The following GRM2 variants were observed in gnomAD, a reference collection of about 807,000 sequenced individuals.
The protein encoded by GRM2 is metabotropic glutamate receptor 2.
A neutral mutation model predicts 60.4 loss-of-function variants in GRM2; 35 were observed. The observed-to-expected ratio is 0.58, with a 90% CI of 0.44 to 0.77. The LOEUF (loss-of-function observed/expected upper bound fraction) is 0.77, where lower values mean the gene tolerates loss of function less well. GRM2 is among the 30% of genes least tolerant of loss of function. The pLI is 0.00. For missense variants in GRM2, 925 were observed against 1,199.5 expected (o/e 0.77, Z 3.38); for synonymous variants, 437 against 484.1 (o/e 0.90, Z 1.28).
chr3:51,716,044 C>T lies in GRM2; in HGVS notation c.2271C>T (p.Asn757=), dbSNP rs201080522. The T allele has an allele frequency of 5.8e-5, 94 of 1,614,250 alleles. No homozygotes were observed. The highest frequency in any genetic ancestry group is 3.3e-4 in the Middle Eastern group (2 of 6,062). The change falls in exon 4 of 6, where the codon AAC becomes AAT. Residue 757 remains asparagine (N), a synonymous_variant. Coordinates refer to ENST00000395052, the MANE Select transcript of GRM2 (RefSeq NM_000839.5). The surrounding 1 kb of genome is among the most constrained non-coding windows in gnomAD (Gnocchi z 4.0). ...FKTRKCPENF[N]EAKFIGFTMY... ...CTCGCAAGTGCCCCGAAAACTTCAA[C>T]GAGGCCAAGTTCATTGGCTTCACCA...
intron 1 of GRM2, 130 bp from the exon 2 acceptor site, chr3:51,708,718 A>G (rs556067863): frequency 9.4e-6 from 4 of 424,782 alleles, no homozygotes; most frequent in East Asian, 3.7e-5. Context: ...ACTTAATGAC[A>G]CCATCCTGTC....
Position 51,717,782 on chromosome 3 carries a change from G to A in GRM2, c.2510G>A (p.Ser837Asn), listed in dbSNP as rs1185504590. The A allele has an allele frequency of 6.2e-7, 1 of 1,614,136 alleles. No homozygotes were observed. ...CGGGCACCCACCAGCCGCTTTGGCA[G>A]TGCTGCTGCCAGGGCCAGCTCCAGC... ...SHRAPTSRFG[S>N]AAARASSSLG... Residue 837 changes from serine to asparagine, a missense_variant, in exon 5 of 6, where the codon AGT becomes AAT. Ser to Asn is a conservative substitution (Grantham distance 46). Transcript: ENST00000395052. This position sits in a 1 kb window ranked among gnomAD's most constrained non-coding sequence, Gnocchi z 6.0.
At chr3:51,709,461 T>C in intron 2 of GRM2, 28 bp downstream of exon 2, 3 of 1,464,236 alleles carry the variant, frequency 2.0e-6, no homozygotes, top group Non-Finnish European at 2.8e-6. Flanking sequence ...AAATGGGGGC[T>C]AGGGAGGGAG....
rs907988136 is a variant in GRM2 at position 51,717,137 on chromosome 3, CTT to C, written c.2365-499_2365-498del. 1.7e-4 allele frequency among the ~76,000 whole-genome samples: 25 copies of C among 151,248 alleles called. No individual in the cohort carries two copies. The highest frequency in any genetic ancestry group is 6.1e-4 in the African/African-American group (25 of 41,180). Reference sequence around the variant, plus strand: ...ACATGCATGCACACACACACACACACTTGTACACACAGACATAGCCACATGCA... The same window carrying C: ...ACATGCATGCACACACACACACACACGTACACACAGACATAGCCACATGCA... On this transcript the variant is annotated intron_variant, in intron 4 of 5. Coordinates refer to ENST00000395052, the MANE Select transcript of GRM2 (RefSeq NM_000839.5). The surrounding 1 kb of genome is among the most constrained non-coding windows in gnomAD (Gnocchi z 6.0).
At chr3:51,708,808 T>C (rs895257004) in intron 1 of GRM2, 40 bp from the exon 2 acceptor site, 3 of 545,126 alleles carry the variant, frequency 5.5e-6, no homozygotes, top group Middle Eastern at 4.9e-4. Context: ...CAGGTTCCAC[T>C]TTTCCTGGTC....
At position 51,717,800 on chromosome 3, in the gene GRM2, G is replaced by C; in HGVS notation, c.2528G>C (p.Ser843Thr). 5.6e-6 allele frequency: 9 copies of C among 1,613,966 alleles called. 1 individual carries two copies. Among genetic ancestry groups the C allele is most frequent in the Non-Finnish European group, 7.6e-6 (9 of 1,179,976 alleles). ...TTTGGCAGTGCTGCTGCCAGGGCCA[G>C]CTCCAGCCTTGGCCAAGGTCAGTGT... ...SRFGSAAARA[S>T]SSLGQGSGSQ... The change falls in exon 5 of 6, where the codon AGC becomes ACC. Residue 843 changes from serine (S) to threonine (T), a missense_variant. By Grantham distance (58) the Ser-to-Thr change is moderately conservative (BLOSUM62 1). Transcript: ENST00000395052. The surrounding 1 kb of genome is among the most constrained non-coding windows in gnomAD (Gnocchi z 6.0).
At chr3:51,709,792 A>G (rs1316618063) in intron 2 of GRM2, among the ~76,000 whole-genome samples, 1 of 15,204 alleles carries the variant, frequency 6.6e-5, no homozygotes, top group African/African-American at 1.7e-4. Flanking sequence ...ACACCCACAC[A>G]CACCCCACAC....
In GRM2 at chr3:51,709,437, C is replaced by A. The variant is rs773667363; in HGVS notation, c.450+4C>A. 5.3e-6 allele frequency: 8 copies of A among 1,516,806 alleles called. No homozygotes were observed. The highest frequency in any genetic ancestry group is 3.5e-4 in the Middle Eastern group (2 of 5,684). 94.0% of individuals were successfully genotyped at this position (1,516,806 alleles called of 1,614,324 possible). The stretch of plus-strand genomic sequence containing the variant: ...CTACAGTGATGTCTCCATCCAGGTA[C>A]GTGGAAGCCACCCAAATGGGGGCTA... On this transcript the variant is annotated splice_donor_region_variant and intron_variant, in intron 2 of 5. Coordinates refer to ENST00000395052, the MANE Select transcript of GRM2 (RefSeq NM_000839.5).
intron 2 of GRM2, among the ~76,000 whole-genome samples, chr3:51,711,000 G>C (rs892738622): frequency 9.2e-5 from 14 of 152,272 alleles, no homozygotes; most frequent in Admixed American, 2.6e-4. Context: ...GCATTGCCGA[G>C]ATGGAGAGGG....
At chr3:51,708,787 G>A (rs1055756365) in intron 1 of GRM2, 61 bp from the exon 2 acceptor site, 1 of 527,982 alleles carries the variant, frequency 1.9e-6, no homozygotes, top group Non-Finnish European at 3.4e-6. Flanking sequence ...GTCAGAAGGG[G>A]CAGCTGCTCT....
In GRM2 at chr3:51,716,127, G is replaced by T; in HGVS notation, c.2354G>T (p.Ser785Ile). 1 of 1,610,394 alleles carries T rather than the reference G, an allele frequency of 6.2e-7. No homozygotes were observed. Among genetic ancestry groups the T allele is most frequent in the Non-Finnish European group, 8.5e-7 (1 of 1,176,628 alleles). ...CTGCCCATCTTCTATGTCACCTCCA[G>T]TGACTACCGGGTGAGCTACCTGCCA... ...AFLPIFYVTS[S>I]DYRVQTTTMC... is the part of the protein sequence containing the mutation. The change falls in exon 4 of 6, where the codon AGT (serine) becomes ATT (isoleucine). Residue 785 changes from serine (S) to isoleucine (I), a missense_variant. Physicochemically the swap from Ser to Ile is moderately radical, Grantham distance 142. Coordinates refer to ENST00000395052, the MANE Select transcript of GRM2 (RefSeq NM_000839.5). The surrounding 1 kb of genome is among the most constrained non-coding windows in gnomAD (Gnocchi z 4.0).
At chr3:51,714,468 G>T (rs1377042779) in intron 3 of GRM2, 1 of 153,722 alleles carries the variant, frequency 6.5e-6, no homozygotes, top group Non-Finnish European at 1.4e-5. Context: ...AGGGGATGAA[G>T]TGGGGGTGGA....
In GRM2 at chr3:51,717,113, C is replaced by T. The variant is rs1236575873; in HGVS notation, c.2365-524C>T. Among the ~76,000 whole-genome samples the T allele has an allele frequency of 2.4e-5, 2 of 83,790 alleles. No homozygotes were observed. The highest frequency in any genetic ancestry group is 2.5e-5 in the Non-Finnish European group (1 of 39,568). The allele number at this position is 83,790 out of a possible 152,430, so 55.0% of individuals were successfully genotyped here. On this transcript the variant is annotated intron_variant, in intron 4 of 5. Coordinates refer to ENST00000395052, the MANE Select transcript of GRM2 (RefSeq NM_000839.5). The surrounding 1 kb of genome is among the most constrained non-coding windows in gnomAD (Gnocchi z 6.0). The stretch of plus-strand genomic sequence containing the variant: ...ACCTGAGACACACACCGTACCCACA[C>T]ATGCATGCACACACACACACACACT...
At chr3:51,714,713 G>C (rs1385998407) in intron 3 of GRM2, 1 of 206,002 alleles carries the variant, frequency 4.9e-6, no homozygotes, top group African/African-American at 2.3e-5. Flanking sequence ...TTGGGATTTG[G>C]AGCCTGGGTT....
chr3:51,716,930 G>C lies in GRM2; in HGVS notation c.2365-707G>C, dbSNP rs1175335362. Reference sequence around the variant, plus strand: ...GACAGAGGTGTGGTGGCACAGTGCTGGGGGCCAGGGACCGCTGGGCTTGGC... The same window carrying C: ...GACAGAGGTGTGGTGGCACAGTGCTCGGGGCCAGGGACCGCTGGGCTTGGC... On this transcript the variant is annotated intron_variant, in intron 4 of 5. Transcript: ENST00000395052. The surrounding 1 kb of genome is among the most constrained non-coding windows in gnomAD (Gnocchi z 4.0). Among the ~76,000 whole-genome samples, 1 of 152,172 alleles carries C rather than the reference G, an allele frequency of 6.6e-6. No individual in the cohort carries two copies. Among genetic ancestry groups the C allele is most frequent in the Non-Finnish European group, 1.5e-5 (1 of 68,038 alleles).
chr3:51,716,524 T>C lies in GRM2; in HGVS notation c.2364+387T>C, dbSNP rs1220561768. ...GAAGCAAGGTGGGTAGGGGAGGAGA[T>C]CCAGGGTATAGAGTTGAGAAAAGCT... On this transcript the variant is annotated intron_variant, in intron 4 of 5. Transcript: ENST00000395052. The surrounding 1 kb of genome is among the most constrained non-coding windows in gnomAD (Gnocchi z 4.0). Among the ~76,000 whole-genome samples, 1 of 151,924 alleles carries C rather than the reference T, an allele frequency of 6.6e-6. No individual in the cohort carries two copies. Among genetic ancestry groups the C allele is most frequent in the Non-Finnish European group, 1.5e-5 (1 of 67,982 alleles).
chr3:51,709,252 A>G lies in GRM2; in HGVS notation c.269A>G (p.Asp90Gly). ...PGVRLGAHIL[D>G]SCSKDTHALE... ...GTGCGCCTGGGTGCACACATCCTCGACAGTTGCTCCAAGGACACACATGCG... is the reference window on the plus strand; with the variant it reads ...GTGCGCCTGGGTGCACACATCCTCGGCAGTTGCTCCAAGGACACACATGCG... The change falls in exon 2 of 6, where the codon GAC becomes GGC. Residue 90 changes from aspartate (D) to glycine (G), a missense_variant. Transcript: ENST00000395052. 1 of 1,604,810 alleles carries G rather than the reference A, an allele frequency of 6.2e-7. No homozygotes were observed. Among genetic ancestry groups the G allele is most frequent in the Non-Finnish European group, 8.5e-7 (1 of 1,173,534 alleles).
intron 2 of GRM2, among the ~76,000 whole-genome samples, chr3:51,710,846 T>C (rs1703688726): frequency 6.6e-6 from 1 of 152,218 alleles, no homozygotes; most frequent in African/African-American, 2.4e-5. Context: ...CATCTCTGAC[T>C]GGGTCCTACC....
chr3:51,709,830 G>GAC lies in GRM2; in HGVS notation c.450+406_450+407dup, dbSNP rs780322630. 0.015 allele frequency among the ~76,000 whole-genome samples: 116 copies of GAC among 7,486 alleles called. 2 individuals carry two copies. The East Asian group carries it at 0.25, about 16-fold the overall frequency. The allele number at this position is 7,486 out of a possible 152,430, so 4.9% of individuals were successfully genotyped here. A position where few individuals can be genotyped will look rare whatever the true frequency, so the allele number is the denominator to read the frequency against. Reference sequence around the variant, plus strand: ...ACCCCCACACCCACACACACACCCAGACACACACACCCTCACACACACACA... The same window carrying GAC: ...ACCCCCACACCCACACACACACCCAGACACACACACACCCTCACACACACACA... On this transcript the variant is annotated intron_variant, in intron 2 of 5. Transcript: ENST00000395052.
Sources: allele counts gnomAD v4.1 joint callset (sites outside exome capture counted in the v4.1 genomes callset), GRCh38; gene constraint gnomAD v4.1.1; non-coding constraint Gnocchi (gnomAD v3.1); transcripts MANE v1.5; gene names NCBI Gene and HGNC (gene_info 2026-07-23, HGNC 2026-07-21).